The following SHROOM3 variants were observed in gnomAD, a reference collection of about 807,000 sequenced individuals.
The protein encoded by SHROOM3 is protein Shroom3.
A neutral mutation model predicts 138.6 loss-of-function variants in SHROOM3; 47 were observed. The ratio of observed to expected loss-of-function variants is 0.34; its 90% CI spans 0.27 to 0.43. The LOEUF (loss-of-function observed/expected upper bound fraction) is 0.43. Ranked by LOEUF, SHROOM3 falls within the 20% of genes least tolerant of loss-of-function variation. The pLI, the probability that SHROOM3 is intolerant of heterozygous loss-of-function variation, is 1.00. For missense variants in SHROOM3, 2,491 were observed against 2,596.5 expected (o/e 0.96, Z 0.88); for synonymous variants, 1,062 against 1,063.3 (o/e 1.00, Z 0.02).
At chr4:76,556,009 G>T (rs1164593652) in intron 2 of SHROOM3, among the ~76,000 whole-genome samples, 2 of 152,160 alleles carry the variant, frequency 1.3e-5, no homozygotes, top group Admixed American at 1.3e-4. Flanking sequence ...GTTTGTCAGG[G>T]ATAGACCTCA....
At position 76,741,911 on chromosome 4, in the gene SHROOM3, C is replaced by A. The variant is rs758339392; in HGVS notation, c.3738C>A (p.Thr1246=). The change falls in exon 5 of 11, where the codon ACC becomes ACA. Residue 1246 remains threonine, a synonymous_variant. Transcript: ENST00000296043. This position sits in a 1 kb window ranked among gnomAD's most constrained non-coding sequence, Gnocchi z 6.2. ...TGAGGTCCAGGTCATCTCCCGCCAC[C>A]GCAGACAAGCGCCAGGTACGTGCAA... ...VHVRSRSSPA[T]ADKRQDVLLG... 1 of 1,612,276 alleles carries A rather than the reference C, an allele frequency of 6.2e-7. No individual in the cohort carries two copies. The highest frequency in any genetic ancestry group is 1.3e-5 in the African/African-American group (1 of 74,926).
chr4:76,648,524 C>G (rs1314240097), intron 2 of SHROOM3, among the ~76,000 whole-genome samples: 1 of 151,216 alleles, frequency 6.6e-6, no homozygotes, highest in African/African-American at 2.4e-5. Context: ...TTTTAGCAGC[C>G]TCCTCCTCGG....
chr4:76,584,268 A>G (rs1278834258), intron 2 of SHROOM3, among the ~76,000 whole-genome samples: 1 of 151,974 alleles, frequency 6.6e-6, no homozygotes. Flanking sequence ...CAGTGAGCTG[A>G]GATTGCACCA....
chr4:76,598,026 C>CTTTTT (rs11307449), intron 2 of SHROOM3, among the ~76,000 whole-genome samples: 1 of 137,674 alleles, frequency 7.3e-6, no homozygotes, highest in Non-Finnish European at 1.6e-5. Context: ...AAATCTATGA[C>CTTTTT]TTTTTTTTTT....
intron 4 of SHROOM3, among the ~76,000 whole-genome samples, chr4:76,731,953 G>T (rs777220380): frequency 6.6e-6 from 1 of 152,124 alleles, no homozygotes; most frequent in Non-Finnish European, 1.5e-5. Context: ...ACTGTTTGTT[G>T]TATGGGTCAA....
intron 1 of SHROOM3, among the ~76,000 whole-genome samples, chr4:76,532,876 T>C (rs1732861822): frequency 6.6e-6 from 1 of 152,144 alleles, no homozygotes; most frequent in Non-Finnish European, 1.5e-5. Context: ...TCCTACACTT[T>C]AGAACCATTA....
At chr4:76,613,484 A>G (rs933552723) in intron 2 of SHROOM3, among the ~76,000 whole-genome samples, 4 of 152,228 alleles carry the variant, frequency 2.6e-5, no homozygotes, top group East Asian at 1.9e-4. Context: ...AAGTACCAAC[A>G]GTACATGAGA....
At chr4:76,608,546 A>ATAGCGTAGCG (rs1296667537) in intron 2 of SHROOM3, among the ~76,000 whole-genome samples, 32 of 65,554 alleles carry the variant, frequency 4.9e-4, no homozygotes, top group Admixed American at 1.3e-3. Context: ...ATAGCATAGC[A>ATAGCGTAGCG]TAGCATAGCA....
intron 2 of SHROOM3, among the ~76,000 whole-genome samples, chr4:76,637,906 A>G (rs2110078399): frequency 6.6e-6 from 1 of 152,228 alleles, no homozygotes; most frequent in Non-Finnish European, 1.5e-5. Context: ...TTCCCCTCCT[A>G]GAGGTCAGGT....
chr4:76,594,100 C>A (rs1357391777), intron 2 of SHROOM3, among the ~76,000 whole-genome samples: 1 of 152,170 alleles, frequency 6.6e-6, no homozygotes, highest in Non-Finnish European at 1.5e-5. Context: ...ACAGGTTAAA[C>A]AATTGAGATA....
chr4:76,757,428 G>A (rs1018624222), intron 8 of SHROOM3, among the ~76,000 whole-genome samples: 2 of 152,288 alleles, frequency 1.3e-5, no homozygotes, highest in Middle Eastern at 3.4e-3. Context: ...GTACTTGCCG[G>A]TTCTGTATCA....
At chr4:76,738,423 C>T (rs1489632448) in intron 4 of SHROOM3, among the ~76,000 whole-genome samples, 1 of 152,228 alleles carries the variant, frequency 6.6e-6, no homozygotes, top group Non-Finnish European at 1.5e-5. Flanking sequence ...CTACCTCTCT[C>T]ATTTCTTGGC....
intron 2 of SHROOM3, among the ~76,000 whole-genome samples, chr4:76,601,651 C>T (rs568637539): frequency 6.3e-4 from 95 of 151,116 alleles, no homozygotes; most frequent in Middle Eastern, 6.8e-3. Context: ...ACTACAGGTG[C>T]GCCACCAAGC....
chr4:76,460,688 T>C (rs1731121965), intron 1 of SHROOM3, among the ~76,000 whole-genome samples: 1 of 151,734 alleles, frequency 6.6e-6, no homozygotes. Context: ...TCTCTGTATA[T>C]CCAAATTTCC....
intron 2 of SHROOM3, among the ~76,000 whole-genome samples, chr4:76,580,646 G>A (rs910212003): frequency 5.3e-5 from 8 of 151,950 alleles, no homozygotes; most frequent in Non-Finnish European, 1.0e-4. Flanking sequence ...GGCTGGTCTC[G>A]AACACCTGAC....
At chr4:76,509,700 C>T (rs537312377) in intron 1 of SHROOM3, 19 of 152,212 alleles carry the variant, frequency 1.2e-4, no homozygotes, top group African/African-American at 4.3e-4. Flanking sequence ...CAGGTGTGGA[C>T]TCCCATGATG....
At chr4:76,543,355 G>A (rs1733145599) in intron 1 of SHROOM3, among the ~76,000 whole-genome samples, 1 of 152,046 alleles carries the variant, frequency 6.6e-6, no homozygotes, top group East Asian at 1.9e-4. Context: ...AGTCCTGGAG[G>A]TATATGAGAG....
At chr4:76,672,419 CAAAA>C (rs35488837) in intron 2 of SHROOM3, among the ~76,000 whole-genome samples, 20 of 127,250 alleles carry the variant, frequency 1.6e-4, no homozygotes, top group Non-Finnish European at 1.3e-4. Flanking sequence ...AATTAGGGAC[CAAAA>C]AAAAAAAAAA....
At chr4:76,562,956 A>T (rs551519487) in intron 2 of SHROOM3, among the ~76,000 whole-genome samples, 1 of 152,322 alleles carries the variant, frequency 6.6e-6, no homozygotes, top group South Asian at 2.1e-4. Flanking sequence ...CGAAGGTGCC[A>T]ATTCTCAGAT....
Sources: allele counts gnomAD v4.1 joint callset (sites outside exome capture counted in the v4.1 genomes callset), GRCh38; gene constraint gnomAD v4.1.1; non-coding constraint Gnocchi (gnomAD v3.1); transcripts MANE v1.5; gene names NCBI Gene and HGNC (gene_info 2026-07-23, HGNC 2026-07-21).